Variants in DNAH12 observed in about 807,000 individuals in gnomAD.
DNAH12 encodes the protein axonemal beta dynein heavy chain 12.
Under a neutral mutation model 371.5 loss-of-function variants are expected in DNAH12, and 285 were observed. That is an observed-to-expected ratio of 0.77 (90% CI 0.70 to 0.85). The LOEUF (loss-of-function observed/expected upper bound fraction) is 0.85, where lower values mean the gene tolerates loss of function less well. Ranked by LOEUF, DNAH12 falls within the 40% of genes least tolerant of loss-of-function variation. The pLI is 0.00. For synonymous variants in DNAH12, 1,200 were observed against 1,213.0 expected, an observed-to-expected ratio of 0.99 and a Z score of 0.22; for missense variants, 3,611 against 3,689.4, an observed-to-expected ratio of 0.98 and a Z score of 0.55.
intron 35 of DNAH12, among the ~76,000 whole-genome samples, chr3:57,423,219 C>T (rs1414078759): frequency 1.3e-5 from 2 of 152,106 alleles, no homozygotes; most frequent in African/African-American, 4.8e-5. Flanking sequence ...TTCTGAACCA[C>T]TTGAAAGGTT....
In DNAH12 at chr3:57,461,551, T is replaced by C. The variant is rs188723302; in HGVS notation, c.2674A>G (p.Ile892Val). 1.3e-6 allele frequency: 2 copies of C among 1,551,406 alleles called. No homozygotes were observed. Among genetic ancestry groups the C allele is most frequent in the South Asian group, 2.4e-5 (2 of 84,048 alleles). The change falls in exon 19 of 74, where the codon ATT (isoleucine) becomes GTT (valine). Residue 892 changes from isoleucine to valine, a missense_variant. This residue lies in a region of DNAH12 where 1,314 missense variants were observed against 1,398.7 expected (regional missense o/e 0.94). Transcript: ENST00000495027. ...DEIQAILDDQ[I>V]IKTQTMRGSP... is the part of the protein sequence containing the mutation. ...CCTCTCATTGTCTGAGTTTTTATAA[T>C]TTGATCATCAAGGATGGCCTGAATC...
chr3:57,515,740 A>G (rs1429829736), intron 4 of DNAH12, among the ~76,000 whole-genome samples: 4 of 152,086 alleles, frequency 2.6e-5, no homozygotes, highest in Non-Finnish European at 2.9e-5. Flanking sequence ...TTACTACAGA[A>G]TTCCAACAAA....
chr3:57,408,565 T>C, intron 39 of DNAH12, 30 bp from the exon 40 acceptor site: 2 of 1,491,514 alleles, frequency 1.3e-6, no homozygotes, highest in Non-Finnish European at 1.8e-6. Context: ...AAATTTAGAT[T>C]ATCTGTTATA....
chr3:57,521,635 C>T (rs531251121), intron 4 of DNAH12, among the ~76,000 whole-genome samples: 2 of 152,298 alleles, frequency 1.3e-5, no homozygotes, highest in South Asian at 2.1e-4. Flanking sequence ...GCCTGTAATC[C>T]CAGCACTTTG....
chr3:57,551,523 G>C, the DNAH12 span, among the ~76,000 whole-genome samples: 1 of 152,034 alleles, frequency 6.6e-6, no homozygotes, highest in African/African-American at 2.4e-5. Context: ...CGCCCGCCTT[G>C]GCTCCCAAAG....
At chr3:57,464,198 C>T (rs2066135169) in intron 17 of DNAH12, among the ~76,000 whole-genome samples, 1 of 151,990 alleles carries the variant, frequency 6.6e-6, no homozygotes, top group South Asian at 2.1e-4. Context: ...ATAAATAATT[C>T]CTGTGGACAA....
the DNAH12 span, among the ~76,000 whole-genome samples, chr3:57,551,977 G>T: frequency 6.6e-6 from 1 of 150,494 alleles, no homozygotes; most frequent in Non-Finnish European, 1.5e-5. Context: ...AGGCATGGTG[G>T]TTCACGCCTG....
chr3:57,483,668 A>C (rs1160761102), intron 12 of DNAH12, among the ~76,000 whole-genome samples, 157 bp from the exon 13 acceptor site: 1 of 152,104 alleles, frequency 6.6e-6, no homozygotes, highest in Non-Finnish European at 1.5e-5. Context: ...AAGCTTGGCC[A>C]GGCACAGTGG....
chr3:57,325,959 AG>A (rs1292901166), intron 62 of DNAH12, among the ~76,000 whole-genome samples: 1 of 152,224 alleles, frequency 6.6e-6, no homozygotes, highest in African/African-American at 2.4e-5. Context: ...GCTGGAAGAA[AG>A]GGTATCAGTG....
At chr3:57,307,589 T>G (rs9821730) in intron 69 of DNAH12, among the ~76,000 whole-genome samples, 10,599 of 152,132 alleles carry the variant, frequency 0.07, 1,231 homozygotes, top group African/African-American at 0.24. Context: ...CAACTCACTC[T>G]CTATAGTTCT....
intron 61 of DNAH12, 62 bp downstream of exon 61, chr3:57,334,720 A>G: frequency 6.6e-7 from 1 of 1,509,866 alleles, no homozygotes. Context: ...AAAAATCACT[A>G]AATTGAAGAA....
At chr3:57,505,046 C>T (rs1369874005) in intron 8 of DNAH12, among the ~76,000 whole-genome samples, 4 of 152,072 alleles carry the variant, frequency 2.6e-5, no homozygotes, top group Non-Finnish European at 2.9e-5. Context: ...AGCTACCACG[C>T]CTGGCTAATT....
intron 20 of DNAH12, 76 bp downstream of exon 20, chr3:57,459,516 A>G (rs1447087065): frequency 7.9e-7 from 1 of 1,261,248 alleles, no homozygotes. Context: ...TTATAATCAG[A>G]AAAAAAGTCA....
rs1012738685 is a variant in DNAH12 at position 57,458,134 on chromosome 3, G to A, written c.3018C>T (p.Asn1006=). 2.9e-5 allele frequency: 45 copies of A among 1,550,142 alleles called. No individual in the cohort carries two copies. Among genetic ancestry groups the A allele is most frequent in the Admixed American group, 9.9e-5 (5 of 50,696 alleles). The change falls in exon 21 of 74, where the codon AAC becomes AAT. Residue 1006 remains asparagine (N), a synonymous_variant. Coordinates refer to ENST00000495027, the MANE Select transcript of DNAH12 (RefSeq NM_001366028.2). The part of the protein sequence containing the change: ...ELLEKIMKGL[N]AYLEKKRLFF... ...AAAGACGTTTCTTTTCAAGATATGC[G>A]TTAAGACCTTTCATAATTTTCTCCA...
chr3:57,445,873 A>G (rs1221073421), intron 27 of DNAH12, among the ~76,000 whole-genome samples, 158 bp downstream of exon 27: 2 of 152,102 alleles, frequency 1.3e-5, no homozygotes, highest in African/African-American at 4.8e-5. Context: ...CTCTAGTCCC[A>G]GCTACTCGGG....
Position 57,454,710 on chromosome 3 carries a change from T to C in DNAH12, c.3456+65A>G, listed in dbSNP as rs992948023. Reference sequence around the variant, plus strand: ...CATAGCAAGATCTCATTTCTAAAAATAATAAAATTAAATTTTAAAAAACCT... The same window carrying C: ...CATAGCAAGATCTCATTTCTAAAAACAATAAAATTAAATTTTAAAAAACCT... On this transcript the variant is annotated intron_variant, in intron 23 of 73. Coordinates refer to ENST00000495027, the MANE Select transcript of DNAH12 (RefSeq NM_001366028.2). 3.3e-6 allele frequency: 5 copies of C among 1,527,184 alleles called. No homozygotes were observed. The East Asian group carries it at 1.2e-4, about 38-fold the overall frequency. 94.6% of individuals were successfully genotyped at this position (1,527,184 alleles called of 1,614,324 possible).
the DNAH12 span, among the ~76,000 whole-genome samples, chr3:57,549,815 G>T: frequency 6.6e-6 from 1 of 151,710 alleles, no homozygotes; most frequent in Non-Finnish European, 1.5e-5. Flanking sequence ...GTAGAGACAG[G>T]GTTTTGCCAT....
chr3:57,449,174 C>T (rs1266289079), intron 25 of DNAH12, among the ~76,000 whole-genome samples: 4 of 150,894 alleles, frequency 2.7e-5, no homozygotes, highest in Non-Finnish European at 4.4e-5. Context: ...TTGGTGCACT[C>T]ACAAACCTTG....
chr3:57,334,551 G>A lies in DNAH12; in HGVS notation c.9892C>T (p.His3298Tyr), dbSNP rs1375692613. 1.3e-6 allele frequency: 2 copies of A among 1,550,792 alleles called. No individual in the cohort carries two copies. The highest frequency in any genetic ancestry group is 2.7e-5 in the African/African-American group (2 of 73,010). ...WREIYDSKEP[H>Y]NAKFPAPMDK... ...ATTGGTGCTGGAAATTTAGCATTAT[G>A]TGGCTCTTTACTGTCATAGATTTCT... Residue 3298 changes from histidine to tyrosine, a missense_variant, in exon 62 of 74, where the codon CAT becomes TAT. Coordinates refer to ENST00000495027, the MANE Select transcript of DNAH12 (RefSeq NM_001366028.2).
Sources: allele counts gnomAD v4.1 joint callset (sites outside exome capture counted in the v4.1 genomes callset), GRCh38; gene constraint gnomAD v4.1.1; regional missense constraint gnomAD v4.1.1; transcripts MANE v1.5; gene names NCBI Gene and HGNC (gene_info 2026-07-23, HGNC 2026-07-21).